Variants in DAB1 observed in about 807,000 individuals in gnomAD.
DAB1 encodes disabled homolog 1.
A neutral mutation model predicts 64.6 loss-of-function variants in DAB1; 15 were observed. The observed-to-expected ratio is 0.23, with a 90% CI of 0.16 to 0.36. The LOEUF (loss-of-function observed/expected upper bound fraction) is 0.36, where lower values mean the gene tolerates loss of function less well. Ranked by LOEUF, DAB1 falls within the 10% of genes least tolerant of loss-of-function variation. The probability of loss-of-function intolerance (pLI) is 1.00; values close to 1 mark genes in which losing one functional copy is unlikely to be tolerated. For missense variants in DAB1, 596 were observed against 706.7 expected (o/e 0.84, Z 1.78); for synonymous variants, 235 against 251.9 (o/e 0.93, Z 0.64).
intron 3 of DAB1, among the ~76,000 whole-genome samples, chr1:58,434,620 T>C (rs944849812): frequency 2.0e-5 from 3 of 152,178 alleles, no homozygotes; most frequent in African/African-American, 7.2e-5. Flanking sequence ...TTGGGATTTA[T>C]CACCATATAG....
intron 5 of DAB1, among the ~76,000 whole-genome samples, chr1:58,022,368 G>T (rs1646827001): frequency 6.6e-6 from 1 of 152,200 alleles, no homozygotes; most frequent in Non-Finnish European, 1.5e-5. Context: ...GAGGCCTCAG[G>T]AAGGTAAGTT....
At chr1:57,984,010 A>G (rs1646131411) in intron 5 of DAB1, among the ~76,000 whole-genome samples, 1 of 152,022 alleles carries the variant, frequency 6.6e-6, no homozygotes, top group African/African-American at 2.4e-5. Context: ...ATTTACTATG[A>G]CAAATGGATG....
intron 6 of DAB1, among the ~76,000 whole-genome samples, chr1:57,686,339 T>C (rs1164206800): frequency 2.0e-5 from 3 of 152,036 alleles, no homozygotes; most frequent in East Asian, 3.9e-4. Context: ...CCTCCTAAGA[T>C]TGAACCAGGA....
chr1:57,917,585 C>T (rs533309228), intron 5 of DAB1, among the ~76,000 whole-genome samples: 16 of 151,072 alleles, frequency 1.1e-4, no homozygotes, highest in Non-Finnish European at 2.2e-4. Flanking sequence ...CCCATTTTCC[C>T]CCTTAGAGAG....
At chr1:57,939,131 A>G (rs1645066797) in intron 5 of DAB1, among the ~76,000 whole-genome samples, 1 of 152,100 alleles carries the variant, frequency 6.6e-6, no homozygotes, top group South Asian at 2.1e-4. Flanking sequence ...GTTCTTGGTG[A>G]GGGCCCTCTA....
At chr1:57,605,401 T>G (rs1456931699) in intron 7 of DAB1, among the ~76,000 whole-genome samples, 1 of 152,136 alleles carries the variant, frequency 6.6e-6, no homozygotes, top group African/African-American at 2.4e-5. Flanking sequence ...CACATGGCTA[T>G]TTACCCAGAA....
chr1:57,045,681 G>A (rs966252749), intron 9 of DAB1, among the ~76,000 whole-genome samples: 3 of 152,170 alleles, frequency 2.0e-5, no homozygotes, highest in African/African-American at 7.2e-5. Context: ...CTGGGTGACA[G>A]AGCGAGACTC....
At chr1:58,065,548 T>C (rs528514843) in intron 5 of DAB1, among the ~76,000 whole-genome samples, 1 of 152,254 alleles carries the variant, frequency 6.6e-6, no homozygotes, top group African/African-American at 2.4e-5. Context: ...CTCTGATTTG[T>C]ACTGAAAAGA....
At chr1:57,742,901 G>A (rs1648069777) in intron 6 of DAB1, among the ~76,000 whole-genome samples, 1 of 152,184 alleles carries the variant, frequency 6.6e-6, no homozygotes, top group Non-Finnish European at 1.5e-5. Flanking sequence ...AGAAGGTCCT[G>A]AGACCAAGCT....
intron 7 of DAB1, among the ~76,000 whole-genome samples, chr1:57,437,347 C>G (rs1685734203): frequency 6.6e-6 from 1 of 152,132 alleles, no homozygotes; most frequent in African/African-American, 2.4e-5. Flanking sequence ...AAAAACCTCA[C>G]AAGGGAAAAG....
intron 3 of DAB1, among the ~76,000 whole-genome samples, chr1:58,410,964 C>G (rs1287173452): frequency 6.6e-6 from 1 of 152,134 alleles, no homozygotes; most frequent in Non-Finnish European, 1.5e-5. Flanking sequence ...TGCTCAAAAG[C>G]CTTTGGTCTC....
chr1:57,610,781 AC>A (rs1645716256), intron 7 of DAB1, among the ~76,000 whole-genome samples: 1 of 151,962 alleles, frequency 6.6e-6, no homozygotes, highest in Admixed American at 6.6e-5. Context: ...GAGGGAAACC[AC>A]CCCCATGATC....
chr1:57,823,170 A>T (rs1237229191), downstream of DAB1, among the ~76,000 whole-genome samples: 1 of 151,944 alleles, frequency 6.6e-6, no homozygotes, highest in African/African-American at 2.4e-5. Context: ...TTTTTAGTAG[A>T]GATGGGGTTT....
At chr1:57,799,042 T>C (rs889015180) in intron 6 of DAB1, among the ~76,000 whole-genome samples, 1 of 152,240 alleles carries the variant, frequency 6.6e-6, no homozygotes, top group Non-Finnish European at 1.5e-5. Flanking sequence ...GATACCTGAA[T>C]TCAAGTCCTG....
chr1:57,287,778 T>TTTTTTTTATTTATTTATTTATTTA (rs1553164513), intron 2 of DAB1, among the ~76,000 whole-genome samples: 1 of 144,102 alleles, frequency 6.9e-6, no homozygotes, highest in East Asian at 2.1e-4. Context: ...TTTCTCTCTC[T>TTTTTTTTATTTATTTATTTATTTA]TTTATTTATT....
intron 1 of DAB1, among the ~76,000 whole-genome samples, chr1:57,863,602 G>A (rs971799636): frequency 3.9e-5 from 6 of 152,144 alleles, no homozygotes; most frequent in African/African-American, 1.2e-4. Flanking sequence ...AATGCCACAA[G>A]GAATGGCTGG....
chr1:57,308,564 A>C (rs1442778730), intron 1 of DAB1, among the ~76,000 whole-genome samples: 2 of 152,232 alleles, frequency 1.3e-5, no homozygotes, highest in Non-Finnish European at 2.9e-5. Flanking sequence ...TTAAAAGCAC[A>C]ATTTAAAAAT....
chr1:58,534,555 T>C (rs1220114865), intron 1 of DAB1, among the ~76,000 whole-genome samples: 1 of 152,258 alleles, frequency 6.6e-6, no homozygotes, highest in Non-Finnish European at 1.5e-5. Flanking sequence ...TTTTTATGAA[T>C]AGATTGACAT....
intron 4 of DAB1, among the ~76,000 whole-genome samples, chr1:57,098,715 T>C (rs1225566384): frequency 6.6e-6 from 1 of 152,180 alleles, no homozygotes; most frequent in Non-Finnish European, 1.5e-5. Context: ...TATGAAGCAA[T>C]GATGGGGCCC....
Sources: gnomAD v4.1 joint callset for allele counts (sites outside exome capture counted in the v4.1 genomes callset) on GRCh38, gnomAD v4.1.1 for gene constraint, MANE v1.5 for transcripts, NCBI Gene and HGNC (gene_info 2026-07-23, HGNC 2026-07-21) for gene names.